Variants in SYTL5 observed in about 807,000 individuals in gnomAD.
The protein encoded by SYTL5 is synaptotagmin like 5, also known as synaptotagmin-like protein 5.
SYTL5 carries 34 observed loss-of-function variants against 55.9 expected under a neutral mutation model. The observed-to-expected ratio is 0.61, with a 90% confidence interval of 0.46 to 0.81. The LOEUF is 0.81. SYTL5 is among the 30% of genes least tolerant of loss of function. The pLI is 0.00. For synonymous variants in SYTL5, 221 were observed against 188.7 expected, an observed-to-expected ratio of 1.17 and a Z score of -1.40; for missense variants, 637 against 546.7, an observed-to-expected ratio of 1.17 and a Z score of -1.65.
At chrX:38,062,471 G>A (rs1935980508) in intron 3 of SYTL5, among the ~76,000 whole-genome samples, 1 of 111,776 alleles carries the variant, frequency 8.9e-6, no homozygotes, top group Admixed American at 9.5e-5. Flanking sequence ...GAAAAATACT[G>A]AGTGTTTATC....
chrX:37,918,840 A>G, the SYTL5 span, among the ~76,000 whole-genome samples: 1 of 111,097 alleles, frequency 9.0e-6, no homozygotes, highest in Non-Finnish European at 1.9e-5. Context: ...GACATCCAGC[A>G]CAAAGTTCAC....
At chrX:38,009,000 T>A (rs984806773) in intron 1 of SYTL5, among the ~76,000 whole-genome samples, 8 of 111,929 alleles carry the variant, frequency 7.1e-5, no homozygotes, top group African/African-American at 2.6e-4. Context: ...CTATAAGGAA[T>A]ACTTTTCCAA....
the SYTL5 span, among the ~76,000 whole-genome samples, chrX:37,996,769 A>G: frequency 1.8e-5 from 2 of 111,488 alleles, no homozygotes; most frequent in African/African-American, 6.5e-5. Flanking sequence ...CCTTTATGTG[A>G]TAGATCCTAC....
intron 1 of SYTL5, among the ~76,000 whole-genome samples, chrX:38,028,578 A>T (rs917616764): frequency 4.5e-5 from 5 of 112,048 alleles, no homozygotes; most frequent in African/African-American, 1.6e-4. Flanking sequence ...AAAACAAAGG[A>T]TCAGCAACGT....
intron 3 of SYTL5, among the ~76,000 whole-genome samples, chrX:38,056,680 T>C (rs1354559778): frequency 2.7e-5 from 3 of 112,004 alleles, no homozygotes; most frequent in Non-Finnish European, 3.8e-5. Context: ...TAATAGCTCA[T>C]TGTAGTTTTG....
At chrX:37,892,927 C>G in the SYTL5 span, among the ~76,000 whole-genome samples, 1 of 24,287 alleles carries the variant, frequency 4.1e-5, no homozygotes, top group Non-Finnish European at 6.7e-5. Context: ...ACATACCACA[C>G]TCTATACTAT....
At chrX:38,086,656 A>G (rs776674021) in intron 6 of SYTL5, among the ~76,000 whole-genome samples, 14 of 111,881 alleles carry the variant, frequency 1.3e-4, no homozygotes, top group Non-Finnish European at 2.6e-4. Context: ...TTCTTAGTTG[A>G]CCTTTACACT....
the SYTL5 span, among the ~76,000 whole-genome samples, chrX:37,984,816 C>T: frequency 9.0e-6 from 1 of 111,590 alleles, no homozygotes; most frequent in East Asian, 2.8e-4. Context: ...CCTAGCAAGG[C>T]CAAGTTGGTT....
intron 12 of SYTL5, 47 bp downstream of exon 12, chrX:38,108,746 C>A: frequency 2.4e-6 from 2 of 834,892 alleles, no homozygotes; most frequent in Non-Finnish European, 3.5e-6. Flanking sequence ...CTGTTCACAA[C>A]TTCAATGGTT....
chrX:38,019,874 A>T (rs1347022225), intron 1 of SYTL5, among the ~76,000 whole-genome samples: 1 of 111,333 alleles, frequency 9.0e-6, no homozygotes, highest in Non-Finnish European at 1.9e-5. Flanking sequence ...AGCTCAGGTG[A>T]TCCGCCCGCT....
At chrX:37,989,063 C>T in the SYTL5 span, among the ~76,000 whole-genome samples, 1 of 112,024 alleles carries the variant, frequency 8.9e-6, no homozygotes, top group Non-Finnish European at 1.9e-5. Context: ...TTAGGAAATT[C>T]ATTGCCACAA....
rs1363517320 is a variant in SYTL5, at chrX:38,089,711, A to C, written c.831+124A>C. On this transcript the variant is annotated intron_variant, in intron 7 of 16. Transcript: ENST00000297875. ...TTGACTCACAGTTCTGCATGGCTGC[A>C]GAGACCTCAGGAAACTTACAATCAT... 4.0e-6 allele frequency: 3 copies of C among 753,154 alleles called. No individual in the cohort carries two copies. In the African/African-American group the frequency reaches 6.5e-5, roughly 16 times the overall value. The allele number at this position is 753,154 out of a possible 1,213,427, so 62.1% of individuals were successfully genotyped here.
the SYTL5 span, among the ~76,000 whole-genome samples, chrX:37,993,469 T>C: frequency 1.2e-4 from 13 of 112,171 alleles, no homozygotes; most frequent in African/African-American, 4.2e-4. Flanking sequence ...TATAACATTG[T>C]GACCTTTAAA....
intron 10 of SYTL5, chrX:38,102,927 T>C: frequency 1.7e-6 from 1 of 582,940 alleles, no homozygotes; most frequent in Non-Finnish European, 2.7e-6. Context: ...AGGCCCTGTG[T>C]CCTTGTATCT....
the SYTL5 span, among the ~76,000 whole-genome samples, chrX:37,954,527 AACTTT>A: frequency 9.0e-6 from 1 of 111,710 alleles, no homozygotes; most frequent in Non-Finnish European, 1.9e-5. Flanking sequence ...ACAAGAAGGG[AACTTT>A]ACTTATTTCT....
chrX:37,917,774 T>C, the SYTL5 span, among the ~76,000 whole-genome samples: 2 of 111,727 alleles, frequency 1.8e-5, no homozygotes, highest in Non-Finnish European at 3.8e-5. Flanking sequence ...ATCATTCTGC[T>C]TCTTTATACT....
the SYTL5 span, among the ~76,000 whole-genome samples, chrX:37,937,275 C>A: frequency 2.7e-5 from 3 of 110,056 alleles, no homozygotes; most frequent in East Asian, 8.5e-4. Flanking sequence ...AACACATGGG[C>A]CCTTAAAGTA....
At chrX:38,060,747 G>T (rs1349047986) in intron 3 of SYTL5, among the ~76,000 whole-genome samples, 1 of 112,127 alleles carries the variant, frequency 8.9e-6, no homozygotes, top group Non-Finnish European at 1.9e-5. Flanking sequence ...TAACTGTCAC[G>T]TAAAGATGTA....
the SYTL5 span, among the ~76,000 whole-genome samples, chrX:37,968,714 C>T: frequency 9.0e-6 from 1 of 111,539 alleles, no homozygotes; most frequent in African/African-American, 3.3e-5. Context: ...GCAAATAGAC[C>T]TTTTAATGGC....
Sources: allele counts gnomAD v4.1 joint callset (sites outside exome capture counted in the v4.1 genomes callset), GRCh38; gene constraint gnomAD v4.1.1; transcripts MANE v1.5; gene names NCBI Gene and HGNC (gene_info 2026-07-23, HGNC 2026-07-21).